Variants in ALK observed in about 807,000 individuals in gnomAD.
The protein encoded by ALK is ALK receptor tyrosine kinase.
A neutral mutation model predicts 163.1 loss-of-function variants in ALK; 74 were observed. The observed-to-expected ratio is 0.45, with a 90% CI of 0.38 to 0.55. The LOEUF is 0.55. Ranked by LOEUF, ALK falls within the 20% of genes least tolerant of loss-of-function variation. The probability of loss-of-function intolerance (pLI) is 0.00; values close to 1 mark genes in which losing one functional copy is unlikely to be tolerated. For missense variants in ALK, 2,063 were observed against 2,105.3 expected (o/e 0.98, Z 0.39); for synonymous variants, 960 against 843.2 (o/e 1.14, Z -2.40).
At chr2:29,395,499 A>G (rs566709862) in intron 4 of ALK, among the ~76,000 whole-genome samples, 3 of 152,314 alleles carry the variant, frequency 2.0e-5, no homozygotes, top group East Asian at 3.9e-4. Context: ...ACCCCAAGGT[A>G]TGGCACCTTA....
chr2:29,624,485 G>A (rs961493489), intron 3 of ALK, among the ~76,000 whole-genome samples: 6 of 152,258 alleles, frequency 3.9e-5, no homozygotes, highest in South Asian at 2.1e-4. Flanking sequence ...GCAGAGGAGC[G>A]GGTGGAGCTT....
intron 3 of ALK, among the ~76,000 whole-genome samples, chr2:29,541,909 C>T (rs4555305): frequency 0.45 from 67,689 of 151,986 alleles, 16,473 homozygotes; most frequent in Non-Finnish European, 0.55. Context: ...AACAAGACCA[C>T]CATTGCTAGC....
At chr2:29,892,588 AT>A (rs1291150800) in intron 1 of ALK, among the ~76,000 whole-genome samples, 5 of 152,182 alleles carry the variant, frequency 3.3e-5, no homozygotes, top group African/African-American at 1.2e-4. Flanking sequence ...ATGAGCAATT[AT>A]TAAGGTATTA....
intron 25 of ALK, chr2:29,208,080 C>T (rs1309320054): frequency 1.1e-5 from 5 of 454,158 alleles, no homozygotes; most frequent in Admixed American, 4.7e-5. Context: ...AGGTCAGTCT[C>T]TCTCTCCCAA....
chr2:29,275,121 C>G lies in ALK; in HGVS notation c.2019G>C (p.Gln673His). 6.2e-7 allele frequency: 1 copy of G among 1,614,178 alleles called. No individual in the cohort carries two copies. The highest frequency in any genetic ancestry group is 1.1e-5 in the South Asian group (1 of 91,076). ...ELKPGENSPRQTPIFDPTVHW... is the reference protein window; with the variant it reads ...ELKPGENSPRHTPIFDPTVHW... ...TACCTGTAGGGTCAAAGATGGGGGT[C>G]TGTCTTGGTGAATTTTCCCCGGGTT... is the stretch of plus-strand genomic sequence containing the variant. The change falls in exon 11 of 29, where the codon CAG becomes CAC. Residue 673 changes from glutamine (Q) to histidine (H), a missense_variant. By Grantham distance (24) the Gln-to-His change is conservative. Transcript: ENST00000389048.
chr2:29,302,414 A>T (rs1011280444), intron 8 of ALK, among the ~76,000 whole-genome samples: 4 of 152,140 alleles, frequency 2.6e-5, no homozygotes, highest in Admixed American at 1.3e-4. Flanking sequence ...GCTACTTGGG[A>T]GGCTGAGGCA....
intron 11 of ALK, among the ~76,000 whole-genome samples, chr2:29,257,152 C>G (rs1458710512): frequency 6.6e-6 from 1 of 151,996 alleles, no homozygotes; most frequent in East Asian, 1.9e-4. Context: ...CAGGGAGGAT[C>G]TGGGATGGGG....
intron 4 of ALK, among the ~76,000 whole-genome samples, chr2:29,391,312 G>GC (rs201057682): frequency 2.1e-5 from 3 of 143,370 alleles, no homozygotes; most frequent in Non-Finnish European, 4.7e-5. Flanking sequence ...TTTTGGGGGG[G>GC]GGGTGGTGGT....
chr2:29,272,531 T>C (rs1665419692), intron 11 of ALK, among the ~76,000 whole-genome samples: 1 of 152,104 alleles, frequency 6.6e-6, no homozygotes, highest in Non-Finnish European at 1.5e-5. Flanking sequence ...GAGTGAGGAA[T>C]GTTTAGGGAA....
chr2:29,427,162 G>A (rs1670165215), intron 4 of ALK, among the ~76,000 whole-genome samples: 1 of 151,832 alleles, frequency 6.6e-6, no homozygotes, highest in Admixed American at 6.6e-5. Flanking sequence ...AGGATTGGGG[G>A]GGGCAGAAAA....
Position 29,246,426 on chromosome 2 carries a change from C to T in ALK, c.2204+4679G>A, listed in dbSNP as rs567510519. Among the ~76,000 whole-genome samples the T allele has an allele frequency of 1.6e-4, 25 of 152,232 alleles. No homozygotes were observed. Among genetic ancestry groups the T allele is most frequent in the Admixed American group, 5.9e-4 (9 of 15,306 alleles). ...CCCTCCCCAGCACAAACCCCATAAT[C>T]CACGTTCTTCTCATGGCACTGCAGT... On this transcript the variant is annotated intron_variant, in intron 12 of 28. Transcript: ENST00000389048. The surrounding 1 kb of genome is among the most constrained non-coding windows in gnomAD (Gnocchi z 4.3).
intron 2 of ALK, among the ~76,000 whole-genome samples, chr2:29,716,298 T>C (rs1365884256): frequency 2.6e-5 from 4 of 152,248 alleles, no homozygotes; most frequent in African/African-American, 9.6e-5. Flanking sequence ...ACTGTGGTTA[T>C]TGCCATTGAA....
intron 3 of ALK, among the ~76,000 whole-genome samples, chr2:29,669,781 A>G (rs1573541847): frequency 6.6e-6 from 1 of 152,094 alleles, no homozygotes; most frequent in African/African-American, 2.4e-5. Context: ...TGTGATTACC[A>G]TAGGCTTACA....
rs184294275 is a variant in ALK at position 29,565,720 on chromosome 2, G to A, written c.953-33604C>T. Among the ~76,000 whole-genome samples the A allele has an allele frequency of 1.8e-4, 28 of 152,176 alleles. No individual in the cohort carries two copies. In the East Asian group the frequency reaches 2.9e-3, roughly 16 times the overall value. On this transcript the variant is annotated intron_variant, in intron 3 of 28. Coordinates refer to ENST00000389048, the MANE Select transcript of ALK (RefSeq NM_004304.5). ...AGACAAAGGCAGCCAGCCTCACCTC[G>A]CCTCAGCACACTGCACAGCAGCCAT...
chr2:29,360,663 T>C (rs1449039299), intron 5 of ALK, among the ~76,000 whole-genome samples: 2 of 152,234 alleles, frequency 1.3e-5, no homozygotes, highest in Non-Finnish European at 2.9e-5. Flanking sequence ...TTAGGGCAGA[T>C]ATGACAGGAG....
chr2:29,662,240 T>C (rs961304977), intron 3 of ALK, among the ~76,000 whole-genome samples: 1 of 152,114 alleles, frequency 6.6e-6, no homozygotes, highest in African/African-American at 2.4e-5. Flanking sequence ...CATATGTAAC[T>C]AAAAGTTGAC....
At chr2:29,689,182 G>A (rs1678322664) in intron 3 of ALK, among the ~76,000 whole-genome samples, 2 of 152,188 alleles carry the variant, frequency 1.3e-5, no homozygotes, top group Admixed American at 1.3e-4. Context: ...ACTCAGAAAT[G>A]GGTGGCTAAT....
chr2:29,553,485 C>A (rs749917373), intron 3 of ALK, among the ~76,000 whole-genome samples: 3 of 152,214 alleles, frequency 2.0e-5, no homozygotes, highest in Non-Finnish European at 4.4e-5. Flanking sequence ...TTTACTCCTG[C>A]ATTTGCCACA....
At chr2:29,611,496 G>C (rs565048305) in intron 3 of ALK, among the ~76,000 whole-genome samples, 1 of 152,268 alleles carries the variant, frequency 6.6e-6, no homozygotes, top group African/African-American at 2.4e-5. Flanking sequence ...TTGTTTGTTT[G>C]CTGTTAACAG....
Sources: gnomAD v4.1 joint callset for allele counts (sites outside exome capture counted in the v4.1 genomes callset) on GRCh38, gnomAD v4.1.1 for gene constraint, Gnocchi (gnomAD v3.1) non-coding constraint, MANE v1.5 for transcripts, NCBI Gene and HGNC (gene_info 2026-07-23, HGNC 2026-07-21) for gene names.